STK33: variants seen among roughly 807,000 people sequenced by gnomAD.
The protein encoded by STK33 is serine/threonine-protein kinase 33.
STK33 carries 52 observed loss-of-function variants against 58.0 expected under a neutral mutation model. The ratio of observed to expected loss-of-function variants is 0.90; its 90% confidence interval spans 0.72 to 1.13. The LOEUF (loss-of-function observed/expected upper bound fraction) is 1.13, where lower values mean the gene tolerates loss of function less well. STK33 is among the 50% of genes most tolerant of loss of function. The pLI, the probability that STK33 is intolerant of heterozygous loss-of-function variation, is 0.00. For missense variants in STK33, 630 were observed against 604.2 expected (o/e 1.04, Z -0.45); for synonymous variants, 215 against 200.1 (o/e 1.07, Z -0.63).
chr11:8,381,243 AC>A, the STK33 span, among the ~76,000 whole-genome samples: 1 of 152,194 alleles, frequency 6.6e-6, no homozygotes, highest in Non-Finnish European at 1.5e-5. Flanking sequence ...AACCACTTGT[AC>A]CCCACAAGCT....
At chr11:8,507,993 C>G (rs1194490880) in intron 1 of STK33, among the ~76,000 whole-genome samples, 1 of 152,096 alleles carries the variant, frequency 6.6e-6, no homozygotes, top group African/African-American at 2.4e-5. Context: ...CAGGTTCAAG[C>G]GATTCTTCCA....
rs1387478064 is a variant in STK33, at chr11:8,452,814, T to C, written c.871+8A>G. On this transcript the variant is annotated splice_region_variant and intron_variant, in intron 11 of 15. Transcript: ENST00000687296. ...AAACAAAAATTAATTTTAAGTCTACTAACTTACCCATATAGATAGGAGTCC... is the reference window on the plus strand; with the variant it reads ...AAACAAAAATTAATTTTAAGTCTACCAACTTACCCATATAGATAGGAGTCC... 2 of 1,612,226 alleles carry C rather than the reference T, an allele frequency of 1.2e-6. No homozygotes were observed. Among genetic ancestry groups the C allele is most frequent in the Non-Finnish European group, 1.7e-6 (2 of 1,178,392 alleles).
intron 1 of STK33, among the ~76,000 whole-genome samples, chr11:8,585,690 G>A (rs1449136916): frequency 4.0e-5 from 6 of 151,750 alleles, no homozygotes; most frequent in African/African-American, 1.5e-4. Context: ...CAGGCAGATT[G>A]CTTGAGCCCA....
intron 1 of STK33, among the ~76,000 whole-genome samples, chr11:8,569,436 C>A (rs1957655506): frequency 6.6e-6 from 1 of 152,172 alleles, no homozygotes; most frequent in Non-Finnish European, 1.5e-5. Context: ...AACTTCAACT[C>A]CTATCTCACA....
At chr11:8,550,884 C>A (rs1362752275) in intron 1 of STK33, among the ~76,000 whole-genome samples, 1 of 152,164 alleles carries the variant, frequency 6.6e-6, no homozygotes, top group African/African-American at 2.4e-5. Context: ...TCCAAAGTCA[C>A]TTCCACATTT....
chr11:8,408,871 C>A (rs1939723091), intron 15 of STK33, among the ~76,000 whole-genome samples: 1 of 152,162 alleles, frequency 6.6e-6, no homozygotes, highest in East Asian at 1.9e-4. Context: ...GCTTAATTCC[C>A]CCTGCAATTA....
intron 5 of STK33, 84 bp downstream of exon 5, chr11:8,474,597 C>T (rs1949085716): frequency 2.1e-6 from 2 of 975,454 alleles, no homozygotes; most frequent in Admixed American, 3.0e-5. Context: ...CTAACAAGAA[C>T]TCATGGGATA....
At chr11:8,393,982 C>T (rs998555951) in intron 15 of STK33, among the ~76,000 whole-genome samples, 1 of 152,056 alleles carries the variant, frequency 6.6e-6, no homozygotes, top group Non-Finnish European at 1.5e-5. Flanking sequence ...GATTTTATAA[C>T]CAGTATATGC....
At chr11:8,540,994 C>CTA (rs373430294) in intron 1 of STK33, among the ~76,000 whole-genome samples, 2,590 of 130,444 alleles carry the variant, frequency 0.02, 35 homozygotes, top group African/African-American at 0.047. Flanking sequence ...CTCTCTCTCT[C>CTA]TATATATATA....
the STK33 span, among the ~76,000 whole-genome samples, chr11:8,337,575 G>T: frequency 6.7e-6 from 1 of 149,758 alleles, no homozygotes; most frequent in African/African-American, 2.5e-5. Flanking sequence ...CTTTGGGACC[G>T]CGGAGCCACG....
chr11:8,550,374 T>C (rs1356942526), intron 1 of STK33, among the ~76,000 whole-genome samples: 1 of 152,134 alleles, frequency 6.6e-6, no homozygotes, highest in Non-Finnish European at 1.5e-5. Flanking sequence ...CTCAAACTCC[T>C]GACCTTGTGA....
intron 1 of STK33, among the ~76,000 whole-genome samples, chr11:8,514,032 G>C (rs1302911737): frequency 6.6e-6 from 1 of 151,554 alleles, no homozygotes; most frequent in Non-Finnish European, 1.5e-5. Context: ...ACTTGTCTTA[G>C]TATTTTAGCT....
chr11:8,461,726 A>T, intron 8 of STK33, 79 bp downstream of exon 8: 1 of 1,170,112 alleles, frequency 8.5e-7, no homozygotes. Context: ...TGTGCCCCAA[A>T]GGGATTATTT....
intron 1 of STK33, among the ~76,000 whole-genome samples, chr11:8,523,625 G>A (rs1953733627): frequency 6.6e-6 from 1 of 151,642 alleles, no homozygotes; most frequent in Non-Finnish European, 1.5e-5. Flanking sequence ...GAAGTGAGGA[G>A]CATCTCCGCC....
At chr11:8,544,592 C>T (rs1459349849) in intron 1 of STK33, among the ~76,000 whole-genome samples, 1 of 151,682 alleles carries the variant, frequency 6.6e-6, no homozygotes, top group Non-Finnish European at 1.5e-5. Flanking sequence ...GGATAATTGA[C>T]ATATACTCAT....
Position 8,392,497 on chromosome 11 carries a change from A to G in STK33, c.*13T>C, listed in dbSNP as rs563207393. On this transcript the variant is annotated 3_prime_UTR_variant, in exon 16 of 16. Transcript: ENST00000687296. Reference sequence around the variant, plus strand: ...CAGCTTTGTTTTTGTACTGTCCAACACTGGAGGGAACCTTAGAGTTTCTTT... The same window carrying G: ...CAGCTTTGTTTTTGTACTGTCCAACGCTGGAGGGAACCTTAGAGTTTCTTT... 4 of 1,613,852 alleles carry G rather than the reference A, an allele frequency of 2.5e-6. No individual in the cohort carries two copies. Among genetic ancestry groups the G allele is most frequent in the Middle Eastern group, 1.7e-4 (1 of 6,014 alleles).
At chr11:8,532,979 T>C (rs1954671844) in intron 1 of STK33, among the ~76,000 whole-genome samples, 1 of 152,224 alleles carries the variant, frequency 6.6e-6, no homozygotes. Context: ...AACCATTTTG[T>C]GATTTTTATC....
At chr11:8,358,599 A>G in the STK33 span, among the ~76,000 whole-genome samples, 2 of 151,962 alleles carry the variant, frequency 1.3e-5, no homozygotes, top group South Asian at 4.2e-4. Flanking sequence ...GTACTCTTCC[A>G]CCCGAGGAAT....
At chr11:8,355,896 A>T in the STK33 span, among the ~76,000 whole-genome samples, 1 of 152,226 alleles carries the variant, frequency 6.6e-6, no homozygotes, top group Non-Finnish European at 1.5e-5. Context: ...CACAGTTGGC[A>T]TGCAACAAAC....
Sources: allele counts gnomAD v4.1 joint callset (sites outside exome capture counted in the v4.1 genomes callset), GRCh38; gene constraint gnomAD v4.1.1; transcripts MANE v1.5; gene names NCBI Gene and HGNC (gene_info 2026-07-23, HGNC 2026-07-21).